DNASE1L2: variants seen among roughly 807,000 people sequenced by gnomAD.
DNASE1L2 encodes deoxyribonuclease 1 like 2.
DNASE1L2 carries 35 observed loss-of-function variants against 31.8 expected under a neutral mutation model. That is an observed-to-expected ratio of 1.10 (90% CI 0.84 to 1.46). DNASE1L2 has a LOEUF of 1.46. DNASE1L2 is among the 40% of genes most tolerant of loss of function. The pLI is 0.00. For synonymous variants in DNASE1L2, 211 were observed against 186.5 expected (o/e 1.13, Z -1.07); for missense variants, 504 against 418.8 (o/e 1.20, Z -1.77).
Position 2,238,673 on chromosome 16 carries a change from T to C in DNASE1L2, c.*255T>C. 1 of 553,450 alleles carries C rather than the reference T, an allele frequency of 1.8e-6. No individual in the cohort carries two copies. The highest frequency in any genetic ancestry group is 3.3e-6 in the Non-Finnish European group (1 of 305,862). The allele number at this position is 553,450 out of a possible 1,614,324, so 34.3% of individuals were successfully genotyped here. The stretch of plus-strand genomic sequence containing the variant: ...TGCAGGGGGCACTGCCCGGCAGATG[T>C]CTGCTCAATAAATGAGCTGCTCCCG... On this transcript the variant is annotated 3_prime_UTR_variant, in exon 7 of 7. Coordinates refer to ENST00000320700, the MANE Select transcript of DNASE1L2 (RefSeq NM_001374.3).
chr16:2,236,522 A>G lies in DNASE1L2; in HGVS notation c.-78A>G. 1.7e-6 allele frequency: 2 copies of G among 1,203,992 alleles called. No homozygotes were observed. The highest frequency in any genetic ancestry group is 2.1e-6 in the Non-Finnish European group (2 of 969,422). The allele number at this position is 1,203,992 out of a possible 1,614,324, so 74.6% of individuals were successfully genotyped here. A position where few individuals can be genotyped will look rare whatever the true frequency, so the allele number is the denominator to read the frequency against. On this transcript the variant is annotated 5_prime_UTR_variant, in exon 1 of 7. Transcript: ENST00000320700. ...CTGGACCCGGGATCCCCATCCCCCT[A>G]GGATCTCTGAGCCTCGGGCCTCTGC...
chr16:2,238,307 C>T, intron 6 of DNASE1L2, 55 bp from the exon 7 acceptor site: 1 of 1,609,628 alleles, frequency 6.2e-7, no homozygotes, highest in East Asian at 2.2e-5. Flanking sequence ...ACCGGCCCCT[C>T]CCATCCCTGT....
rs528279633 is a variant in DNASE1L2 at position 2,238,559 on chromosome 16, C to T, written c.*141C>T. ...GGGCGTGGACCAGGGGCCATGGACA[C>T]GTGATGTGCTGCTCTGTACCTCCGT... On this transcript the variant is annotated 3_prime_UTR_variant, in exon 7 of 7. Transcript: ENST00000320700. The T allele has an allele frequency of 2.2e-5, 21 of 965,622 alleles. No homozygotes were observed. The highest frequency in any genetic ancestry group is 1.4e-4 in the Admixed American group (7 of 51,630). The allele number at this position is 965,622 out of a possible 1,614,324, so 59.8% of individuals were successfully genotyped here.
At chr16:2,238,249 T>TGCCCCTGCCCCG (rs1450603645) in intron 6 of DNASE1L2, 113 bp from the exon 7 acceptor site, 1 of 1,346,934 alleles carries the variant, frequency 7.4e-7, no homozygotes, top group African/African-American at 1.4e-5. Flanking sequence ...CCCCGGCCCC[T>TGCCCCTGCCCCG]GCCCCTGCCC....
At chr16:2,238,317 TGGGTGGGGTGCACTTTTCCCCTGA>T in intron 6 of DNASE1L2, 21 bp from the exon 7 acceptor site, 2 of 1,609,854 alleles carry the variant, frequency 1.2e-6, no homozygotes, top group Non-Finnish European at 1.7e-6. Context: ...CCCATCCCTG[TGGGTGGGGTGCACTTTTCCCCTGA>T]GGCTCACTCT....
rs1317659586 is a variant in DNASE1L2, at chr16:2,237,104, G to C, written c.211G>C (p.Ala71Pro). 2 of 1,549,890 alleles carry C rather than the reference G, an allele frequency of 1.3e-6. No homozygotes were observed. The highest frequency in any genetic ancestry group is 2.4e-5 in the South Asian group (2 of 84,216). The stretch of plus-strand genomic sequence containing the variant: ...AGACCCAGACCTCAGCGCCGTGTCC[G>C]CGCTCATGGAGCAGATCAACAGGTG... ...VRDPDLSAVSALMEQINSVSE... is the reference protein window; with the variant it reads ...VRDPDLSAVSPLMEQINSVSE... The change falls in exon 3 of 7, where the codon GCG becomes CCG. Residue 71 changes from alanine to proline, a missense_variant. Coordinates refer to ENST00000320700, the MANE Select transcript of DNASE1L2 (RefSeq NM_001374.3).
Position 2,237,839 on chromosome 16 carries a change from C to T in DNASE1L2, c.664C>T (p.Leu222=). The change falls in exon 6 of 7, where the codon CTG becomes TTG. Residue 222 remains leucine, a synonymous_variant. Coordinates refer to ENST00000320700, the MANE Select transcript of DNASE1L2 (RefSeq NM_001374.3). ...GGCGCAGGACTGGGCCGCCATCCGT[C>T]TGAGGAGCAGTGAGGTCTTCAAGTG... ...VRAQDWAAIR[L]RSSEVFKWLI... The T allele has an allele frequency of 1.2e-6, 2 of 1,612,532 alleles. No homozygotes were observed. Among genetic ancestry groups the T allele is most frequent in the Non-Finnish European group, 1.7e-6 (2 of 1,179,782 alleles).
At chr16:2,237,678 C>T in intron 5 of DNASE1L2, 29 bp downstream of exon 5, 1 of 1,589,666 alleles carries the variant, frequency 6.3e-7, no homozygotes, top group South Asian at 1.1e-5. Flanking sequence ...CCCGGGGTCC[C>T]TGCAGGCGCG....
At position 2,237,116 on chromosome 16, in the gene DNASE1L2, C is replaced by T. The variant is rs1596778607; in HGVS notation, c.223C>T (p.Gln75Ter). ...CAGCGCCGTGTCCGCGCTCATGGAG[C>T]AGATCAACAGGTGTGGTGGGCAGGG... ...DLSAVSALME[Q>*]INSVSEHEYS... The change falls in exon 3 of 7, where the codon CAG becomes TAG. Residue 75 changes from glutamine to a stop codon, truncating the protein, a stop_gained. Coordinates refer to ENST00000320700, the MANE Select transcript of DNASE1L2 (RefSeq NM_001374.3). LOFTEE classifies it high-confidence loss of function. 5 of 1,549,848 alleles carry T rather than the reference C, an allele frequency of 3.2e-6. No individual in the cohort carries two copies. Among genetic ancestry groups the T allele is most frequent in the Middle Eastern group, 1.8e-4 (1 of 5,572 alleles).
rs747947725 is a variant in DNASE1L2 at position 2,237,199 on chromosome 16, C to T, written c.234-19C>T. The stretch of plus-strand genomic sequence containing the variant: ...CCCGGCGCGGCGCCCCGACCCTGAG[C>T]GGGCCCCTGTCTCCGCAGCGTGTCC... On this transcript the variant is annotated intron_variant, in intron 3 of 6. Transcript: ENST00000320700. 6.4e-7 allele frequency: 1 copy of T among 1,558,214 alleles called. No individual in the cohort carries two copies. Among genetic ancestry groups the T allele is most frequent in the Non-Finnish European group, 8.7e-7 (1 of 1,151,918 alleles).
At position 2,237,517 on chromosome 16, in the gene DNASE1L2, G is replaced by A. The variant is rs771450922; in HGVS notation, c.459G>A (p.Thr153=). The A allele has an allele frequency of 5.2e-5, 70 of 1,351,226 alleles. 1 individual carries two copies. In the South Asian group the frequency reaches 6.3e-4, roughly 12 times the overall value. The allele number at this position is 1,351,226 out of a possible 1,614,324, so 83.7% of individuals were successfully genotyped here. Residue 153 remains threonine (T), a synonymous_variant, in exon 5 of 7, where the codon ACG becomes ACA. Transcript: ENST00000320700. ...APPLPSRRAL[T]PPPLPAAAQN... is the part of the protein sequence containing the mutation. ...CCCTCCCCTCCCGCCGAGCTCTGAC[G>A]CCCCCACCCCTTCCCGCAGCAGCAC...
At position 2,238,672 on chromosome 16, in the gene DNASE1L2, G is replaced by A; in HGVS notation, c.*254G>A. 1 of 556,814 alleles carries A rather than the reference G, an allele frequency of 1.8e-6. No homozygotes were observed. The highest frequency in any genetic ancestry group is 2.1e-5 in the South Asian group (1 of 47,314). 34.5% of individuals were successfully genotyped at this position (556,814 alleles called of 1,614,324 possible). ...GTGCAGGGGGCACTGCCCGGCAGAT[G>A]TCTGCTCAATAAATGAGCTGCTCCC... On this transcript the variant is annotated 3_prime_UTR_variant, in exon 7 of 7. Transcript: ENST00000320700.
rs1311626329 is a variant in DNASE1L2, at chr16:2,237,871, C to T, written c.696C>T (p.Ile232=). The change falls in exon 6 of 7, where the codon ATC becomes ATT. Residue 232 remains isoleucine (I), a synonymous_variant. Coordinates refer to ENST00000320700, the MANE Select transcript of DNASE1L2 (RefSeq NM_001374.3). ...LRSSEVFKWL[I]PDSADTTVGN... is the part of the protein sequence containing the mutation. ...GCAGTGAGGTCTTCAAGTGGCTCAT[C>T]CCTGACAGCGCCGACACCACGGTGG... 3.1e-6 allele frequency: 5 copies of T among 1,612,620 alleles called. No individual in the cohort carries two copies. Among genetic ancestry groups the T allele is most frequent in the South Asian group, 1.1e-5 (1 of 91,090 alleles).
chr16:2,237,040 C>T lies in DNASE1L2; in HGVS notation c.147C>T (p.Ile49=). The T allele has an allele frequency of 6.5e-7, 1 of 1,549,320 alleles. No homozygotes were observed. The highest frequency in any genetic ancestry group is 1.2e-5 in the South Asian group (1 of 84,118). The change falls in exon 3 of 7, where the codon ATC becomes ATT. Residue 49 remains isoleucine (I), a splice_region_variant and synonymous_variant. Coordinates refer to ENST00000320700, the MANE Select transcript of DNASE1L2 (RefSeq NM_001374.3). ...DPACGSIIAK[I]LAGYDLALVQ... is the part of the protein sequence containing the mutation. ...CCGCACCCGCCGCTCCTCCCCAGATCCTGGCTGGCTATGACCTCGCGCTGG... is the reference window on the plus strand; with the variant it reads ...CCGCACCCGCCGCTCCTCCCCAGATTCTGGCTGGCTATGACCTCGCGCTGG...
rs1596780270 is a variant in DNASE1L2 at position 2,238,109 on chromosome 16, C to T, written c.843+91C>T. On this transcript the variant is annotated intron_variant, in intron 6 of 6. Coordinates refer to ENST00000320700, the MANE Select transcript of DNASE1L2 (RefSeq NM_001374.3). ...GAGGGTCCAGCGCCCAAGGCAGGGC[C>T]ACCTCAGCTTCCTCCCTGCACCAGG... The T allele has an allele frequency of 6.7e-6, 10 of 1,488,308 alleles. No homozygotes were observed. The East Asian group carries it at 2.2e-4, about 33-fold the overall frequency. 92.2% of individuals were successfully genotyped at this position (1,488,308 alleles called of 1,614,324 possible). A position where few individuals can be genotyped will look rare whatever the true frequency, so the allele number is the denominator to read the frequency against.
chr16:2,238,649 G>A lies in DNASE1L2; in HGVS notation c.*231G>A, dbSNP rs1299731317. On this transcript the variant is annotated 3_prime_UTR_variant, in exon 7 of 7. Transcript: ENST00000320700. ...GGGTGTTGTGAGCCCCATGAGGGGT[G>A]CAGGGGGCACTGCCCGGCAGATGTC... is the stretch of plus-strand genomic sequence containing the variant. The A allele has an allele frequency of 3.4e-6, 2 of 592,734 alleles. No homozygotes were observed. The highest frequency in any genetic ancestry group is 2.8e-5 in the East Asian group (1 of 35,540). The allele number at this position is 592,734 out of a possible 1,614,324, so 36.7% of individuals were successfully genotyped here.
At chr16:2,236,997 T>A (rs2093513040) in intron 2 of DNASE1L2, 37 bp downstream of exon 2, 1 of 1,545,496 alleles carries the variant, frequency 6.5e-7, no homozygotes. Flanking sequence ...CGTTTAGGGG[T>A]GCTGACCGCG....
Position 2,238,701 on chromosome 16 carries a change from C to G in DNASE1L2, c.*283C>G. ...GCTCAATAAATGAGCTGCTCCCGGT[C>G]GGGCCCCACAGCTTGGCTCCCAGGC... On this transcript the variant is annotated 3_prime_UTR_variant, in exon 7 of 7. Transcript: ENST00000320700. The G allele has an allele frequency of 2.1e-6, 1 of 473,824 alleles. No individual in the cohort carries two copies. The highest frequency in any genetic ancestry group is 3.3e-5 in the Admixed American group (1 of 30,090). 29.4% of individuals were successfully genotyped at this position (473,824 alleles called of 1,614,324 possible).
At position 2,236,785 on chromosome 16, in the gene DNASE1L2, C is replaced by A; in HGVS notation, c.-32C>A. On this transcript the variant is annotated 5_prime_UTR_variant, in exon 2 of 7. Coordinates refer to ENST00000320700, the MANE Select transcript of DNASE1L2 (RefSeq NM_001374.3). Reference sequence around the variant, plus strand: ...GACAGCGGGTCTGCGTAGGCGGCAGCGTCTGTCCCTCCCAGCCTCTCGCTC... The same window carrying A: ...GACAGCGGGTCTGCGTAGGCGGCAGAGTCTGTCCCTCCCAGCCTCTCGCTC... 1 of 1,564,534 alleles carries A rather than the reference C, an allele frequency of 6.4e-7. No homozygotes were observed.
Sources: gnomAD v4.1 joint callset for allele counts on GRCh38, gnomAD v4.1.1 for gene constraint, MANE v1.5 for transcripts, NCBI Gene and HGNC (gene_info 2026-07-23, HGNC 2026-07-21) for gene names.